Variants in TTC21B observed in about 807,000 individuals in gnomAD.
The protein encoded by TTC21B is tetratricopeptide repeat protein 21B.
In TTC21B, 127 loss-of-function variants were observed where a neutral mutation model predicts 175.1. The observed-to-expected ratio is 0.73, with a 90% CI of 0.63 to 0.84. The LOEUF is 0.84. Among genes scored for constraint, TTC21B ranks in the 40% least tolerant of loss-of-function variants. The pLI, the probability that TTC21B is intolerant of heterozygous loss-of-function variation, is 0.00. For synonymous variants in TTC21B, 524 were observed against 524.5 expected, an observed-to-expected ratio of 1.00 and a Z score of 0.01; for missense variants, 1,561 against 1,558.3, an observed-to-expected ratio of 1.00 and a Z score of -0.03.
chr2:165,928,570 T>C (rs1368246589), intron 11 of TTC21B: 3 of 152,186 alleles, frequency 2.0e-5, no homozygotes, highest in African/African-American at 4.8e-5. Flanking sequence ...AAACCTGGAG[T>C]TGTTTAGTGG....
Position 165,932,929 on chromosome 2 carries a change from A to G in TTC21B, c.795+44T>C, listed in dbSNP as rs1432272. Reference sequence around the variant, plus strand: ...CATGGGTGTGTATGTGTAATGAAATATATTTTTTAATATAGGAAACTTAAA... The same window carrying G: ...CATGGGTGTGTATGTGTAATGAAATGTATTTTTTAATATAGGAAACTTAAA... On this transcript the variant is annotated intron_variant, in intron 7 of 28. Transcript: ENST00000243344. The G allele has an allele frequency of 0.014, 20,860 of 1,522,680 alleles. 698 individuals carry two copies. The highest frequency in any genetic ancestry group is 0.12 in the Admixed American group (7,305 of 59,738). The allele number at this position is 1,522,680 out of a possible 1,614,324, so 94.3% of individuals were successfully genotyped here. A position where few individuals can be genotyped will look rare whatever the true frequency, so the allele number is the denominator to read the frequency against.
In TTC21B at chr2:165,874,589, A is replaced by G; in HGVS notation, c.*166T>C. The G allele has an allele frequency of 4.7e-6, 3 of 633,120 alleles. No individual in the cohort carries two copies. Among genetic ancestry groups the G allele is most frequent in the South Asian group, 1.9e-5 (1 of 53,480 alleles). The allele number at this position is 633,120 out of a possible 1,614,324, so 39.2% of individuals were successfully genotyped here. A position where few individuals can be genotyped will look rare whatever the true frequency, so the allele number is the denominator to read the frequency against. The stretch of plus-strand genomic sequence containing the variant: ...CATTCAACTCCATTAGGAAACACCA[A>G]TTTCACATAGTACTTCTCTTGATGT... On this transcript the variant is annotated 3_prime_UTR_variant, in exon 29 of 29. Transcript: ENST00000243344.
At chr2:165,917,232 G>A (rs1374486559) in intron 14 of TTC21B, 25 bp downstream of exon 14, 2 of 1,587,786 alleles carry the variant, frequency 1.3e-6, no homozygotes, top group Non-Finnish European at 1.7e-6. Context: ...TCACATCCGA[G>A]CCCTTAAATT....
intron 22 of TTC21B, among the ~76,000 whole-genome samples, chr2:165,892,794 A>G (rs539412422): frequency 1.1e-4 from 17 of 152,352 alleles, no homozygotes; most frequent in African/African-American, 3.8e-4. Context: ...GATAACGGTG[A>G]TGACTTACAC....
chr2:165,945,589 C>G lies in TTC21B; in HGVS notation c.364G>C (p.Gly122Arg). Residue 122 changes from glycine to arginine, a missense_variant, in exon 4 of 29, where the codon GGT (glycine) becomes CGT (arginine). Physicochemically the swap from Gly to Arg is moderately radical, Grantham distance 125. Coordinates refer to ENST00000243344, the MANE Select transcript of TTC21B (RefSeq NM_024753.5). ...TATTCCCTTGCTTTATCATGGCGAC[C>G]AATGTGCCATAAAAATAAGCCTGCA... ...YHAGLFLWHI[G>R]RHDKAREYID... 6.2e-7 allele frequency: 1 copy of G among 1,613,768 alleles called. No individual in the cohort carries two copies. The highest frequency in any genetic ancestry group is 8.5e-7 in the Non-Finnish European group (1 of 1,179,912).
chr2:165,949,930 T>A, intron 1 of TTC21B: 1 of 480,816 alleles, frequency 2.1e-6, no homozygotes, highest in Non-Finnish European at 3.6e-6. Flanking sequence ...CTGAAATAAT[T>A]CAATGTTTTC....
In TTC21B at chr2:165,907,770, C is replaced by T; in HGVS notation, c.2476G>A (p.Ala826Thr). Residue 826 changes from alanine (A) to threonine (T), a missense_variant, in exon 19 of 29, where the codon GCT becomes ACT. Transcript: ENST00000243344. Reference sequence around the variant, plus strand: ...TGACAACGTCCATCCTCCATGAGAGCTGACAGTTCATTTACTATGAAAGAA... The same window carrying T: ...TGACAACGTCCATCCTCCATGAGAGTTGACAGTTCATTTACTATGAAAGAA... ...LAHEPVNELS[A>T]LMEDGRCQVL... 6.2e-7 allele frequency: 1 copy of T among 1,610,270 alleles called. No individual in the cohort carries two copies. The highest frequency in any genetic ancestry group is 8.5e-7 in the Non-Finnish European group (1 of 1,177,156).
chr2:165,933,544 A>G (rs1186277242), intron 6 of TTC21B, among the ~76,000 whole-genome samples: 2 of 152,218 alleles, frequency 1.3e-5, no homozygotes, highest in Non-Finnish European at 2.9e-5. Flanking sequence ...AAAACATAAC[A>G]GGCATAAACT....
At chr2:165,945,982 TACTA>T (rs554235220) in intron 3 of TTC21B, among the ~76,000 whole-genome samples, 10 of 152,300 alleles carry the variant, frequency 6.6e-5, no homozygotes, top group African/African-American at 1.9e-4. Flanking sequence ...GCTCTTTCCT[TACTA>T]ACTGTGAAAT....
At chr2:165,918,682 T>C (rs1246195255) in intron 13 of TTC21B, among the ~76,000 whole-genome samples, 3 of 152,166 alleles carry the variant, frequency 2.0e-5, no homozygotes, top group African/African-American at 7.2e-5. Context: ...AGCAGAAGTT[T>C]TCAGAGCTCC....
intron 19 of TTC21B, among the ~76,000 whole-genome samples, chr2:165,902,586 A>G (rs1685605298): frequency 6.6e-6 from 1 of 152,192 alleles, no homozygotes; most frequent in Non-Finnish European, 1.5e-5. Context: ...AAAGAAAAAT[A>G]TAAGTATATA....
chr2:165,883,378 T>C (rs1043613515), intron 26 of TTC21B, among the ~76,000 whole-genome samples: 1 of 152,168 alleles, frequency 6.6e-6, no homozygotes, highest in African/African-American at 2.4e-5. Context: ...ATATTATGCA[T>C]AATAGATTCT....
rs776784928 is a variant in TTC21B at position 165,931,788 on chromosome 2, G to C, written c.864C>G (p.Phe288Leu). 3 of 1,613,446 alleles carry C rather than the reference G, an allele frequency of 1.9e-6. No homozygotes were observed. The highest frequency in any genetic ancestry group is 2.5e-6 in the Non-Finnish European group (3 of 1,179,570). ...DAMEPQNAQL[F>L]YNITLAFSRT... ...TGCTGAAGGCGAGTGTAATGTTATAGAAAAGTTGAGCATTCTGTGGTTCCA... is the reference window on the plus strand; with the variant it reads ...TGCTGAAGGCGAGTGTAATGTTATACAAAAGTTGAGCATTCTGTGGTTCCA... Residue 288 changes from phenylalanine (F) to leucine (L), a missense_variant, in exon 8 of 29, where the codon TTC (phenylalanine) becomes TTG (leucine). Coordinates refer to ENST00000243344, the MANE Select transcript of TTC21B (RefSeq NM_024753.5).
rs1473287351 is a variant in TTC21B, at chr2:165,924,684, C to G, written c.1387-6G>C. 2 of 1,612,502 alleles carry G rather than the reference C, an allele frequency of 1.2e-6. No individual in the cohort carries two copies. Among genetic ancestry groups the G allele is most frequent in the South Asian group, 1.1e-5 (1 of 90,976 alleles). On this transcript the variant is annotated splice_polypyrimidine_tract_variant and splice_region_variant and intron_variant, in intron 11 of 28. Coordinates refer to ENST00000243344, the MANE Select transcript of TTC21B (RefSeq NM_024753.5). ...GGTTGCCCAGGACTTGCAGGCTAAA[C>G]AAAACAAATCAGCAGATCATTTTAT...
chr2:165,877,948 A>G (rs1337600564), intron 27 of TTC21B, among the ~76,000 whole-genome samples: 2 of 152,220 alleles, frequency 1.3e-5, no homozygotes, highest in Non-Finnish European at 2.9e-5. Context: ...CATGCCAAAC[A>G]TACTTACATG....
At chr2:165,891,599 ATT>A (rs1685196890) in intron 22 of TTC21B, among the ~76,000 whole-genome samples, 1 of 151,950 alleles carries the variant, frequency 6.6e-6, no homozygotes, top group African/African-American at 2.4e-5. Context: ...TCATTCATTC[ATT>A]CATTCATTCA....
chr2:165,875,702 T>G (rs1684644329), intron 28 of TTC21B, among the ~76,000 whole-genome samples: 1 of 152,148 alleles, frequency 6.6e-6, no homozygotes, highest in African/African-American at 2.4e-5. Context: ...TTCAGACACA[T>G]TCACAAGAAC....
chr2:165,892,309 T>C (rs760065311), intron 22 of TTC21B, among the ~76,000 whole-genome samples: 7 of 152,156 alleles, frequency 4.6e-5, no homozygotes, highest in Admixed American at 6.6e-5. Context: ...CTTGACTCTA[T>C]TTTGCTATTT....
chr2:165,927,850 C>T (rs1027898727), intron 11 of TTC21B, among the ~76,000 whole-genome samples: 2 of 152,122 alleles, frequency 1.3e-5, no homozygotes, highest in African/African-American at 2.4e-5. Flanking sequence ...AGGTCATTTT[C>T]CTTATTTCCC....
Sources: allele counts gnomAD v4.1 joint callset (sites outside exome capture counted in the v4.1 genomes callset), GRCh38; gene constraint gnomAD v4.1.1; transcripts MANE v1.5; gene names NCBI Gene and HGNC (gene_info 2026-07-23, HGNC 2026-07-21).